SYT17: variants seen among roughly 807,000 people sequenced by gnomAD.
SYT17 encodes the protein synaptotagmin-17.
Under a neutral mutation model 46.7 loss-of-function variants are expected in SYT17, and 22 were observed. That is an observed-to-expected ratio of 0.47 (90% CI 0.34 to 0.67). The LOEUF is 0.67. SYT17 is among the 30% of genes least tolerant of loss of function. The pLI is 0.01. For synonymous variants in SYT17, 251 were observed against 248.4 expected (o/e 1.01, Z -0.10); for missense variants, 519 against 612.8 (o/e 0.85, Z 1.62).
chr16:19,195,334 A>G (rs759759851), intron 5 of SYT17, among the ~76,000 whole-genome samples: 1 of 152,038 alleles, frequency 6.6e-6, no homozygotes, highest in Non-Finnish European at 1.5e-5. Flanking sequence ...AGTCTCCTCC[A>G]TGGCACTGCT....
chr16:19,256,187 T>A (rs1968544638), intron 7 of SYT17, among the ~76,000 whole-genome samples: 1 of 151,926 alleles, frequency 6.6e-6, no homozygotes, highest in South Asian at 2.1e-4. Flanking sequence ...AACTGTTGGG[T>A]GCTATCATTG....
intron 3 of SYT17, 40 bp from the exon 4 acceptor site, chr16:19,180,351 G>C: frequency 6.2e-7 from 1 of 1,606,978 alleles, no homozygotes; most frequent in Non-Finnish European, 8.5e-7. Context: ...AGTCCCCGGG[G>C]ATTCCTGGAC....
chr16:19,251,492 G>T (rs766227698), intron 7 of SYT17, among the ~76,000 whole-genome samples: 1 of 152,206 alleles, frequency 6.6e-6, no homozygotes, highest in Non-Finnish European at 1.5e-5. Flanking sequence ...CTGCAGGTCT[G>T]TGGTGTGTGT....
intron 5 of SYT17, among the ~76,000 whole-genome samples, chr16:19,210,024 C>CTAGA (rs1257394713): frequency 6.6e-6 from 1 of 151,968 alleles, no homozygotes; most frequent in African/African-American, 2.4e-5. Context: ...CTTATAATGT[C>CTAGA]TAGATAGTCA....
chr16:19,210,005 A>G lies in SYT17; in HGVS notation c.952-13040A>G, dbSNP rs1965836339. ...AATGGAATGTTGTATGTGAACATTT[A>G]TAATGACACTTATAATGTCTAGATA... On this transcript the variant is annotated intron_variant, in intron 5 of 7. Transcript: ENST00000355377. Among the ~76,000 whole-genome samples, 3 of 152,356 alleles carry G rather than the reference A, an allele frequency of 2.0e-5. No homozygotes were observed. The South Asian group carries it at 6.2e-4, about 32-fold the overall frequency.
chr16:19,172,001 G>A (rs1964114093), intron 1 of SYT17: 1 of 152,374 alleles, frequency 6.6e-6, no homozygotes, highest in South Asian at 2.1e-4. Flanking sequence ...TTGATTCAAA[G>A]TTCTGAGTTT....
chr16:19,195,934 A>C (rs749056835), intron 5 of SYT17, among the ~76,000 whole-genome samples: 2 of 152,010 alleles, frequency 1.3e-5, no homozygotes, highest in Non-Finnish European at 2.9e-5. Context: ...GCTGTGAGCT[A>C]TGATGGCAAC....
chr16:19,183,657 T>C lies in SYT17; in HGVS notation c.461T>C (p.Phe154Ser), dbSNP rs1489634093. 2 of 1,614,142 alleles carry C rather than the reference T, an allele frequency of 1.2e-6. No homozygotes were observed. Among genetic ancestry groups the C allele is most frequent in the South Asian group, 1.1e-5 (1 of 91,078 alleles). Residue 154 changes from phenylalanine (F) to serine (S), a missense_variant, in exon 5 of 8, where the codon TTC (phenylalanine) becomes TCC (serine). Coordinates refer to ENST00000355377, the MANE Select transcript of SYT17 (RefSeq NM_016524.4). This position sits in a 1 kb window ranked among gnomAD's most constrained non-coding sequence, Gnocchi z 5.6. ...CGGACCTATAACCCCGACGACTATT[T>C]CAGGAAGTTCGAACCCCACCTGTAC... is the stretch of plus-strand genomic sequence containing the variant. ...LRRTYNPDDY[F>S]RKFEPHLYSL... is the part of the protein sequence containing the mutation.
At chr16:19,201,826 A>G (rs917580383) in intron 5 of SYT17, among the ~76,000 whole-genome samples, 1 of 152,146 alleles carries the variant, frequency 6.6e-6, no homozygotes, top group Non-Finnish European at 1.5e-5. Context: ...ATACTTACTG[A>G]GCACTTGCTT....
At chr16:19,180,227 G>A (rs1189782441) in intron 3 of SYT17, 164 bp from the exon 4 acceptor site, 4 of 641,812 alleles carry the variant, frequency 6.2e-6, no homozygotes, top group African/African-American at 5.5e-5. Flanking sequence ...AAAGCAAGAC[G>A]TTGTTGAGAG....
intron 5 of SYT17, among the ~76,000 whole-genome samples, chr16:19,204,105 A>T (rs778322571): frequency 2.0e-5 from 3 of 152,092 alleles, no homozygotes; most frequent in Non-Finnish European, 4.4e-5. Flanking sequence ...TAGAGCAGGG[A>T]TTCTCAGCTT....
chr16:19,173,378 G>GGCCCC, intron 2 of SYT17, 52 bp from the exon 3 acceptor site: 19 of 222,872 alleles, frequency 8.5e-5, no homozygotes, highest in Non-Finnish European at 9.2e-5. Flanking sequence ...TCCCCACCCT[G>GGCCCC]CCCACCTCCC....
intron 5 of SYT17, among the ~76,000 whole-genome samples, chr16:19,184,633 A>T (rs1453935968): frequency 1.3e-5 from 2 of 150,948 alleles, no homozygotes; most frequent in Non-Finnish European, 2.9e-5. Flanking sequence ...TGACCTCAAG[A>T]TTTCACTACT....
intron 5 of SYT17, among the ~76,000 whole-genome samples, chr16:19,186,231 C>T (rs1964784138): frequency 6.6e-6 from 1 of 151,986 alleles, no homozygotes; most frequent in African/African-American, 2.4e-5. Context: ...AATCCCAGCA[C>T]TTTGGGAGGT....
At chr16:19,209,712 A>G (rs1398840725) in intron 5 of SYT17, among the ~76,000 whole-genome samples, 1 of 140,384 alleles carries the variant, frequency 7.1e-6, no homozygotes, top group Non-Finnish European at 1.5e-5. Flanking sequence ...TTACTAAAAA[A>G]TACAAAAAAA....
At chr16:19,249,304 A>AAATAAATAAAT (rs1967852126) in intron 7 of SYT17, among the ~76,000 whole-genome samples, 1 of 151,094 alleles carries the variant, frequency 6.6e-6, no homozygotes, top group South Asian at 2.1e-4. Flanking sequence ...ATAAATAAAT[A>AAATAAATAAAT]AATAAGTAAA....
chr16:19,182,486 A>G (rs1348546275), intron 4 of SYT17, among the ~76,000 whole-genome samples: 2 of 152,222 alleles, frequency 1.3e-5, no homozygotes, highest in Non-Finnish European at 2.9e-5. Context: ...CTGCCAGAAC[A>G]TTTTAAGTTA....
chr16:19,168,670 G>A lies in SYT17; in HGVS notation c.15+9G>A, dbSNP rs374904455. On this transcript the variant is annotated intron_variant, in intron 1 of 7. Transcript: ENST00000355377. The surrounding 1 kb of genome is among the most constrained non-coding windows in gnomAD (Gnocchi z 6.9). ...AAATGGCGTACATCCAGGTAGGGCTGAGGCTGGGGGCAAGGTCCGGGGTGC... is the reference window on the plus strand; with the variant it reads ...AAATGGCGTACATCCAGGTAGGGCTAAGGCTGGGGGCAAGGTCCGGGGTGC... The A allele has an allele frequency of 4.0e-6, 6 of 1,516,588 alleles. No homozygotes were observed. Among genetic ancestry groups the A allele is most frequent in the East Asian group, 2.8e-5 (1 of 36,040 alleles). The allele number at this position is 1,516,588 out of a possible 1,614,324, so 93.9% of individuals were successfully genotyped here.
intron 7 of SYT17, among the ~76,000 whole-genome samples, chr16:19,249,068 A>C (rs1029840893): frequency 2.6e-5 from 4 of 151,996 alleles, no homozygotes; most frequent in Non-Finnish European, 5.9e-5. Flanking sequence ...AGGTCAGGAG[A>C]TCAAGACCAT....
Sources: allele counts gnomAD v4.1 joint callset (sites outside exome capture counted in the v4.1 genomes callset), GRCh38; gene constraint gnomAD v4.1.1; non-coding constraint Gnocchi (gnomAD v3.1); transcripts MANE v1.5; gene names NCBI Gene and HGNC (gene_info 2026-07-23, HGNC 2026-07-21).